SLC9A9: variants seen among roughly 807,000 people sequenced by gnomAD.
The protein encoded by SLC9A9 is sodium/hydrogen exchanger 9.
In SLC9A9, 62 loss-of-function variants were observed where a neutral mutation model predicts 77.8. The ratio of observed to expected loss-of-function variants is 0.80; its 90% CI spans 0.65 to 0.98. The LOEUF is 0.98. Among genes scored for constraint, SLC9A9 ranks in the 50% least tolerant of loss-of-function variants. The pLI is 0.00. For synonymous variants in SLC9A9, 320 were observed against 283.5 expected (o/e 1.13, Z -1.29); for missense variants, 775 against 774.9 (o/e 1.00, Z 0.00).
At chr3:143,346,495 C>A (rs772433154) in intron 14 of SLC9A9, among the ~76,000 whole-genome samples, 3 of 151,978 alleles carry the variant, frequency 2.0e-5, no homozygotes, top group African/African-American at 4.8e-5. Context: ...TTTTATGAAA[C>A]CTTTGGTTAG....
At chr3:143,499,643 AG>A (rs1208635246) in intron 9 of SLC9A9, among the ~76,000 whole-genome samples, 1 of 152,022 alleles carries the variant, frequency 6.6e-6, no homozygotes, top group Non-Finnish European at 1.5e-5. Context: ...TACACTTGTT[AG>A]GACCTCCAGC....
chr3:143,701,290 C>T (rs1198486014), intron 4 of SLC9A9, among the ~76,000 whole-genome samples: 1 of 152,132 alleles, frequency 6.6e-6, no homozygotes, highest in Non-Finnish European at 1.5e-5. Context: ...GAAAACATAA[C>T]CTCACCAAGT....
intron 4 of SLC9A9, among the ~76,000 whole-genome samples, chr3:143,724,753 A>G (rs554459498): frequency 1.3e-5 from 2 of 152,372 alleles, no homozygotes; most frequent in South Asian, 4.1e-4. Context: ...ATTAACTTTT[A>G]TGAAAATGGA....
Position 143,476,718 on chromosome 3 carries a change from G to C in SLC9A9, c.1316-9528C>G, listed in dbSNP as rs117847892. On this transcript the variant is annotated intron_variant, in intron 11 of 15. Transcript: ENST00000316549. ...ATCAATTTATCAATTTTCTGTTTAG[G>C]TCAGTGTTTTCTTTTAACTGGAGTG... Among the ~76,000 whole-genome samples, 158 of 152,268 alleles carry C rather than the reference G, an allele frequency of 1.0e-3. 1 individual carries two copies. The East Asian group carries it at 0.017, about 17-fold the overall frequency.
intron 14 of SLC9A9, among the ~76,000 whole-genome samples, chr3:143,298,997 C>T (rs2030398007): frequency 6.6e-6 from 1 of 152,166 alleles, no homozygotes; most frequent in South Asian, 2.1e-4. Context: ...GTATTAAATG[C>T]AGTGATGGGT....
intron 14 of SLC9A9, among the ~76,000 whole-genome samples, chr3:143,334,731 T>C (rs773563219): frequency 1.3e-5 from 2 of 152,202 alleles, no homozygotes; most frequent in Non-Finnish European, 2.9e-5. Context: ...CAAAAACTGC[T>C]GAGGAAAACA....
chr3:143,278,846 A>AT (rs897620672), intron 14 of SLC9A9, among the ~76,000 whole-genome samples: 59 of 152,060 alleles, frequency 3.9e-4, no homozygotes, highest in African/African-American at 1.2e-3. Flanking sequence ...AGTTTTCTGT[A>AT]TTTTTTTTAA....
chr3:143,441,212 T>C (rs1041126179), intron 12 of SLC9A9, among the ~76,000 whole-genome samples: 8 of 152,194 alleles, frequency 5.3e-5, no homozygotes, highest in South Asian at 2.1e-4. Context: ...TGAGCTAGAA[T>C]TCCTCTTGAC....
intron 1 of SLC9A9, among the ~76,000 whole-genome samples, chr3:143,843,023 T>G (rs1473257745): frequency 6.6e-6 from 1 of 152,082 alleles, no homozygotes; most frequent in Non-Finnish European, 1.5e-5. Context: ...GTAACATCAC[T>G]TGCCCAAAAT....
chr3:143,277,926 G>A (rs544590820), intron 14 of SLC9A9, among the ~76,000 whole-genome samples: 2 of 152,306 alleles, frequency 1.3e-5, no homozygotes, highest in South Asian at 4.1e-4. Context: ...CTGACTGGAT[G>A]TAGTCCTATA....
intron 14 of SLC9A9, among the ~76,000 whole-genome samples, chr3:143,274,570 C>T (rs566299375): frequency 2.6e-5 from 4 of 152,312 alleles, no homozygotes; most frequent in Non-Finnish European, 4.4e-5. Flanking sequence ...GCTACTGACA[C>T]AAAGTTACTG....
chr3:143,529,257 A>C (rs1361113231), intron 9 of SLC9A9, among the ~76,000 whole-genome samples: 1 of 152,202 alleles, frequency 6.6e-6, no homozygotes, highest in Non-Finnish European at 1.5e-5. Context: ...AGAAAACACA[A>C]ATTCAACTTT....
In SLC9A9 at chr3:143,412,276, G is replaced by T. The variant is rs138127504; in HGVS notation, c.1470-30162C>A. On this transcript the variant is annotated intron_variant, in intron 12 of 15. Coordinates refer to ENST00000316549, the MANE Select transcript of SLC9A9 (RefSeq NM_173653.4). The stretch of plus-strand genomic sequence containing the variant: ...CTCTGGACTCTCTAACCTCACTTTT[G>T]TTGGCCCCCGAGAAGGAAGTGAAAA... Among the ~76,000 whole-genome samples the T allele has an allele frequency of 8.9e-4, 136 of 152,050 alleles. 2 individuals are homozygous for T. The highest frequency in any genetic ancestry group is 3.0e-3 in the African/African-American group (126 of 41,450).
At chr3:143,840,901 G>T (rs1271904455) in intron 1 of SLC9A9, among the ~76,000 whole-genome samples, 16 of 152,180 alleles carry the variant, frequency 1.1e-4, no homozygotes, top group Admixed American at 1.0e-3. Context: ...AACTAAAGAT[G>T]ATCTTGCCTA....
At chr3:143,651,004 C>T (rs2038786616) in intron 6 of SLC9A9, among the ~76,000 whole-genome samples, 1 of 152,232 alleles carries the variant, frequency 6.6e-6, no homozygotes, top group South Asian at 2.1e-4. Flanking sequence ...AGCTCATTTG[C>T]ACTTTAGTGG....
chr3:143,608,047 A>G (rs1403751023), intron 6 of SLC9A9, among the ~76,000 whole-genome samples: 1 of 152,204 alleles, frequency 6.6e-6, no homozygotes, highest in Non-Finnish European at 1.5e-5. Flanking sequence ...GTAATATATA[A>G]TGAAATATTA....
At chr3:143,540,052 G>A (rs2036660740) in intron 9 of SLC9A9, among the ~76,000 whole-genome samples, 1 of 152,106 alleles carries the variant, frequency 6.6e-6, no homozygotes, top group Non-Finnish European at 1.5e-5. Flanking sequence ...TGGTGGGGAT[G>A]AGAAAGAAAA....
At chr3:143,590,866 T>C (rs953086834) in intron 6 of SLC9A9, among the ~76,000 whole-genome samples, 3 of 152,130 alleles carry the variant, frequency 2.0e-5, no homozygotes, top group East Asian at 1.9e-4. Flanking sequence ...ACATGCTACA[T>C]AGAGATAAAG....
At chr3:143,798,294 TG>T (rs1337707000) in intron 2 of SLC9A9, among the ~76,000 whole-genome samples, 9 of 152,212 alleles carry the variant, frequency 5.9e-5, no homozygotes, top group African/African-American at 2.2e-4. Context: ...AGTCTTCCCT[TG>T]GTGTTTAATC....
Sources: allele counts gnomAD v4.1 joint callset (sites outside exome capture counted in the v4.1 genomes callset), GRCh38; gene constraint gnomAD v4.1.1; transcripts MANE v1.5; gene names NCBI Gene and HGNC (gene_info 2026-07-23, HGNC 2026-07-21).